Variants in BCAS3 observed in about 807,000 individuals in gnomAD.
BCAS3 encodes the protein BCAS4/BCAS3 fusion.
A neutral mutation model predicts 116.1 loss-of-function variants in BCAS3; 53 were observed. That is an observed-to-expected ratio of 0.46 (90% CI 0.37 to 0.57). The LOEUF (loss-of-function observed/expected upper bound fraction) is 0.57. Among genes scored for constraint, BCAS3 ranks in the 20% least tolerant of loss-of-function variants. The probability of loss-of-function intolerance (pLI) is 0.00; values close to 1 mark genes in which losing one functional copy is unlikely to be tolerated. For missense variants in BCAS3, 917 were observed against 1,165.4 expected (o/e 0.79, Z 3.10); for synonymous variants, 391 against 408.2 (o/e 0.96, Z 0.51).
chr17:60,996,635 T>TC (rs2063857562), intron 15 of BCAS3, among the ~76,000 whole-genome samples: 1 of 152,030 alleles, frequency 6.6e-6, no homozygotes, highest in African/African-American at 2.4e-5. Context: ...GTTACATGAG[T>TC]CTGGAGTTCA....
intron 20 of BCAS3, among the ~76,000 whole-genome samples, chr17:61,076,733 G>A (rs1168246091): frequency 6.6e-6 from 1 of 152,178 alleles, no homozygotes; most frequent in Non-Finnish European, 1.5e-5. Flanking sequence ...TTACCTCTGG[G>A]CTCTGTGACA....
intron 22 of BCAS3, among the ~76,000 whole-genome samples, chr17:61,242,238 T>G (rs530255675): frequency 6.7e-6 from 1 of 148,208 alleles, no homozygotes; most frequent in East Asian, 2.0e-4. Context: ...ATTGCACCAT[T>G]GCACTCCATC....
At chr17:60,881,520 A>C (rs1012715042) in intron 9 of BCAS3, among the ~76,000 whole-genome samples, 10 of 151,462 alleles carry the variant, frequency 6.6e-5, no homozygotes, top group Admixed American at 3.3e-4. Flanking sequence ...TACATGTGCC[A>C]TGCTGGTGCG....
intron 6 of BCAS3, among the ~76,000 whole-genome samples, chr17:60,797,175 C>CG (rs1279503821): frequency 6.6e-6 from 1 of 152,092 alleles, no homozygotes; most frequent in Non-Finnish European, 1.5e-5. Flanking sequence ...GGATTACAAG[C>CG]ATAAGCCACC....
At chr17:61,321,257 A>C (rs1321326605) in intron 22 of BCAS3, among the ~76,000 whole-genome samples, 1 of 152,224 alleles carries the variant, frequency 6.6e-6, no homozygotes, top group Non-Finnish European at 1.5e-5. Flanking sequence ...GGCATGAAAT[A>C]AAGTGGTAGC....
chr17:60,758,757 T>C (rs190501397), intron 6 of BCAS3, among the ~76,000 whole-genome samples: 56 of 152,360 alleles, frequency 3.7e-4, no homozygotes, highest in Non-Finnish European at 6.9e-4. Context: ...TGTTTATTGC[T>C]ATAAACTTCT....
intron 6 of BCAS3, among the ~76,000 whole-genome samples, chr17:60,770,409 T>C (rs1396041891): frequency 1.5e-5 from 1 of 68,200 alleles, no homozygotes; most frequent in Non-Finnish European, 2.4e-5. Context: ...TCTTTTTTTT[T>C]TTTTTTTTTT....
intron 11 of BCAS3, among the ~76,000 whole-genome samples, chr17:60,909,515 A>G (rs1245151451): frequency 6.6e-6 from 1 of 152,120 alleles, no homozygotes; most frequent in Non-Finnish European, 1.5e-5. Context: ...GGAAAAATGT[A>G]CCTATATTAT....
intron 14 of BCAS3, among the ~76,000 whole-genome samples, chr17:60,955,327 A>G (rs932738325): frequency 1.8e-4 from 27 of 151,114 alleles, no homozygotes; most frequent in Admixed American, 3.3e-4. Flanking sequence ...TTGAAAGTCC[A>G]TTTTGGTTTC....
rs937748920 is a variant in BCAS3 at position 61,088,468 on chromosome 17, G to T, written c.2425+3904G>T. ...TTCATTTTCCTGTATGTTCATTTTG[G>T]CTAGATAGCTAAGAATTTCTTTCTA... On this transcript the variant is annotated intron_variant, in intron 22 of 23. Coordinates refer to ENST00000407086, the MANE Select transcript of BCAS3 (RefSeq NM_017679.5). This position sits in a 1 kb window ranked among gnomAD's most constrained non-coding sequence, Gnocchi z 4.2. Among the ~76,000 whole-genome samples the T allele has an allele frequency of 1.3e-5, 2 of 152,148 alleles. No homozygotes were observed. The highest frequency in any genetic ancestry group is 2.9e-5 in the Non-Finnish European group (2 of 68,020).
chr17:61,278,561 C>T lies in BCAS3; in HGVS notation c.2426-89766C>T, dbSNP rs1416606250. 6.6e-6 allele frequency among the ~76,000 whole-genome samples: 1 copy of T among 152,162 alleles called. No homozygotes were observed. The highest frequency in any genetic ancestry group is 1.5e-5 in the Non-Finnish European group (1 of 68,034). ...TCTGCGTTCCTTGTGGCATTATTCA[C>T]TATAGCCCAAAGATGCCAGCACCCT... On this transcript the variant is annotated intron_variant, in intron 22 of 23. Transcript: ENST00000407086. The surrounding 1 kb of genome is among the most constrained non-coding windows in gnomAD (Gnocchi z 5.8).
chr17:61,143,678 G>A (rs1235379893), intron 22 of BCAS3, among the ~76,000 whole-genome samples: 3 of 152,082 alleles, frequency 2.0e-5, no homozygotes, highest in Non-Finnish European at 2.9e-5. Flanking sequence ...GCATGGTGGC[G>A]TGTGCATGTA....
chr17:60,806,085 CAG>C (rs1210537098), intron 6 of BCAS3, among the ~76,000 whole-genome samples: 1 of 151,754 alleles, frequency 6.6e-6, no homozygotes, highest in Admixed American at 6.6e-5. Context: ...CCATGTTGGC[CAG>C]GCTGGTCTCG....
intron 22 of BCAS3, among the ~76,000 whole-genome samples, chr17:61,182,623 A>G (rs903059501): frequency 1.3e-5 from 2 of 152,226 alleles, no homozygotes; most frequent in Admixed American, 6.5e-5. Context: ...GAGTTTTAGA[A>G]TATTCCTATT....
intron 22 of BCAS3, among the ~76,000 whole-genome samples, chr17:61,360,960 T>TA (rs2058424874): frequency 6.6e-6 from 1 of 152,188 alleles, no homozygotes; most frequent in East Asian, 1.9e-4. Flanking sequence ...ACAAGACTCT[T>TA]ATGGTATAAC....
chr17:61,135,311 T>C (rs1445936005), intron 22 of BCAS3, among the ~76,000 whole-genome samples: 1 of 152,234 alleles, frequency 6.6e-6, no homozygotes, highest in African/African-American at 2.4e-5. Flanking sequence ...ATTACATCAG[T>C]GTCAAGTGCT....
chr17:61,212,879 T>C (rs890067997), intron 22 of BCAS3, among the ~76,000 whole-genome samples: 1 of 152,178 alleles, frequency 6.6e-6, no homozygotes, highest in Non-Finnish European at 1.5e-5. Context: ...TCCTGTGGGC[T>C]CCCTTTGGAA....
At position 61,243,582 on chromosome 17, in the gene BCAS3, A is replaced by G. The variant is rs1394870898; in HGVS notation, c.2426-124745A>G. Among the ~76,000 whole-genome samples, 1 of 152,164 alleles carries G rather than the reference A, an allele frequency of 6.6e-6. No homozygotes were observed. The highest frequency in any genetic ancestry group is 1.5e-5 in the Non-Finnish European group (1 of 68,020). ...TCATAAGTGTGTCTCAAGAAAATAT[A>G]AAGACAGTATAAGAAGACTTAGAAT... is the stretch of plus-strand genomic sequence containing the variant. On this transcript the variant is annotated intron_variant, in intron 22 of 23. Transcript: ENST00000407086. The surrounding 1 kb of genome is among the most constrained non-coding windows in gnomAD (Gnocchi z 5.6).
In BCAS3 at chr17:61,236,776, A is replaced by AT. The variant is rs2083095821; in HGVS notation, c.2426-131551_2426-131550insT. Among the ~76,000 whole-genome samples the AT allele has an allele frequency of 2.0e-5, 3 of 151,962 alleles. No homozygotes were observed. In the South Asian group the frequency reaches 6.2e-4, roughly 32 times the overall value. On this transcript the variant is annotated intron_variant, in intron 22 of 23. Coordinates refer to ENST00000407086, the MANE Select transcript of BCAS3 (RefSeq NM_017679.5). ...ATGATGGAGAAGGTAAAAAAAAAAA[A>AT]GGCTTTTTGGAGAAGGTATGATTTG... is the stretch of plus-strand genomic sequence containing the variant.
Sources: allele counts gnomAD v4.1 joint callset (sites outside exome capture counted in the v4.1 genomes callset), GRCh38; gene constraint gnomAD v4.1.1; non-coding constraint Gnocchi (gnomAD v3.1); transcripts MANE v1.5; gene names NCBI Gene and HGNC (gene_info 2026-07-23, HGNC 2026-07-21).